The following RASAL2 variants were observed in gnomAD, a reference collection of about 807,000 sequenced individuals.
RASAL2 encodes RAS protein activator like 2, also known as ras GTPase-activating protein nGAP.
A neutral mutation model predicts 128.9 loss-of-function variants in RASAL2; 58 were observed. The observed-to-expected ratio is 0.45, with a 90% CI of 0.36 to 0.56. RASAL2 has a LOEUF of 0.56. Ranked by LOEUF, RASAL2 falls within the 20% of genes least tolerant of loss-of-function variation. RASAL2 has a pLI of 0.00. For synonymous variants in RASAL2, 561 were observed against 580.8 expected (o/e 0.97, Z 0.49); for missense variants, 1,360 against 1,601.6 (o/e 0.85, Z 2.57).
intron 4 of RASAL2, among the ~76,000 whole-genome samples, chr1:178,414,943 A>G (rs559852776): frequency 6.6e-6 from 1 of 152,148 alleles, no homozygotes; most frequent in African/African-American, 2.4e-5. Flanking sequence ...TATTTCTAAT[A>G]TAAGTCATTT....
At chr1:178,157,465 G>A (rs911903843) in intron 1 of RASAL2, among the ~76,000 whole-genome samples, 13 of 152,232 alleles carry the variant, frequency 8.5e-5, no homozygotes, top group African/African-American at 2.6e-4. Context: ...TGTGTGGAGT[G>A]GGGAATTGGT....
intron 3 of RASAL2, among the ~76,000 whole-genome samples, chr1:178,369,625 A>G (rs1671594154): frequency 1.3e-5 from 2 of 152,320 alleles, no homozygotes; most frequent in South Asian, 4.2e-4. Flanking sequence ...TTGTTAAAAT[A>G]AATAAGAGAT....
intron 3 of RASAL2, among the ~76,000 whole-genome samples, chr1:178,307,818 T>G (rs1668062633): frequency 6.6e-6 from 1 of 152,230 alleles, no homozygotes; most frequent in Non-Finnish European, 1.5e-5. Context: ...AAGTTCATGT[T>G]TTCATGCCCA....
chr1:178,299,703 G>C (rs559254013), intron 2 of RASAL2, among the ~76,000 whole-genome samples: 1 of 152,082 alleles, frequency 6.6e-6, no homozygotes, highest in African/African-American at 2.4e-5. Context: ...CACCATGTTG[G>C]CCAGGATGAT....
chr1:178,292,793 G>A (rs1177469595), intron 2 of RASAL2, among the ~76,000 whole-genome samples: 1 of 152,086 alleles, frequency 6.6e-6, no homozygotes, highest in East Asian at 1.9e-4. Flanking sequence ...CTGAATTTAT[G>A]AGTTTATTTC....
At chr1:178,200,577 TGA>T (rs2101965915) in intron 1 of RASAL2, among the ~76,000 whole-genome samples, 1 of 152,252 alleles carries the variant, frequency 6.6e-6, no homozygotes, top group East Asian at 1.9e-4. Flanking sequence ...TTGCAGTGAT[TGA>T]GAGTCTTATC....
chr1:178,233,581 T>C (rs1664101254), intron 1 of RASAL2, among the ~76,000 whole-genome samples: 3 of 152,198 alleles, frequency 2.0e-5, no homozygotes, highest in Admixed American at 2.0e-4. Flanking sequence ...CAAAAGGTCA[T>C]CCTGCCAAAG....
At chr1:178,197,737 A>G (rs1369263527) in intron 1 of RASAL2, among the ~76,000 whole-genome samples, 3 of 152,208 alleles carry the variant, frequency 2.0e-5, no homozygotes, top group Admixed American at 6.5e-5. Flanking sequence ...TCTAGGGTAC[A>G]TGTGCACAAT....
At chr1:178,181,713 T>C (rs939155107) in intron 1 of RASAL2, among the ~76,000 whole-genome samples, 1 of 152,158 alleles carries the variant, frequency 6.6e-6, no homozygotes, top group East Asian at 1.9e-4. Context: ...TTATTTTTTA[T>C]GACCTTGACA....
chr1:178,253,600 TA>T (rs769848005), intron 1 of RASAL2, among the ~76,000 whole-genome samples: 20 of 151,872 alleles, frequency 1.3e-4, no homozygotes, highest in Non-Finnish European at 2.4e-4. Flanking sequence ...TGAAGGGAGA[TA>T]GGGGTGGGGC....
intron 1 of RASAL2, among the ~76,000 whole-genome samples, chr1:178,158,323 A>G (rs1373974922): frequency 6.6e-6 from 1 of 152,212 alleles, no homozygotes; most frequent in Non-Finnish European, 1.5e-5. Context: ...GTCCTTCAAC[A>G]AAGTAGTGGA....
In RASAL2 at chr1:178,157,445, T is replaced by C. The variant is rs1439872674; in HGVS notation, c.202+62751T>C. On this transcript the variant is annotated intron_variant, in intron 1 of 17. Transcript: ENST00000367649. ...ACACCTCTGCCATTTTACCACCTAG[T>C]TTTTGCCCTTGTGTGGAGTGGGGAA... 2.0e-5 allele frequency among the ~76,000 whole-genome samples: 3 copies of C among 152,252 alleles called. No homozygotes were observed. In the East Asian group the frequency reaches 5.8e-4, roughly 29 times the overall value.
At chr1:178,189,392 GAGAA>G (rs1167372184) in intron 1 of RASAL2, among the ~76,000 whole-genome samples, 1 of 152,144 alleles carries the variant, frequency 6.6e-6, no homozygotes, top group Non-Finnish European at 1.5e-5. Flanking sequence ...CCAGATACAG[GAGAA>G]AGAAAGACCA....
At chr1:178,380,737 C>T (rs1249459194) in intron 3 of RASAL2, among the ~76,000 whole-genome samples, 1 of 152,088 alleles carries the variant, frequency 6.6e-6, no homozygotes, top group Non-Finnish European at 1.5e-5. Context: ...GAGAGAAATA[C>T]TTAAAACAGA....
chr1:178,409,538 C>G (rs1050148998), intron 4 of RASAL2, among the ~76,000 whole-genome samples: 1 of 152,062 alleles, frequency 6.6e-6, no homozygotes, highest in East Asian at 1.9e-4. Flanking sequence ...TAGAGAATTA[C>G]AGGTATTTCA....
chr1:178,095,474 C>G (rs560083355), intron 1 of RASAL2, among the ~76,000 whole-genome samples: 1 of 152,250 alleles, frequency 6.6e-6, no homozygotes, highest in Admixed American at 6.5e-5. Context: ...CTGTGGCTTT[C>G]CAAAATATTG....
At chr1:178,230,782 C>T (rs1265819515) in intron 1 of RASAL2, among the ~76,000 whole-genome samples, 1 of 152,124 alleles carries the variant, frequency 6.6e-6, no homozygotes, top group Non-Finnish European at 1.5e-5. Flanking sequence ...GGACAGATGT[C>T]TCCATTCGAT....
chr1:178,347,152 A>C (rs949630376), intron 3 of RASAL2, among the ~76,000 whole-genome samples: 2 of 152,208 alleles, frequency 1.3e-5, no homozygotes, highest in African/African-American at 4.8e-5. Context: ...TTGACGGTGA[A>C]ATTTTAATTA....
chr1:178,248,835 A>C (rs1664908125), intron 1 of RASAL2, among the ~76,000 whole-genome samples: 1 of 152,134 alleles, frequency 6.6e-6, no homozygotes, highest in African/African-American at 2.4e-5. Flanking sequence ...TGGGTTGAAA[A>C]TTCTTTTCTT....
Sources: gnomAD v4.1 joint callset for allele counts (sites outside exome capture counted in the v4.1 genomes callset) on GRCh38, gnomAD v4.1.1 for gene constraint, MANE v1.5 for transcripts, NCBI Gene and HGNC (gene_info 2026-07-23, HGNC 2026-07-21) for gene names.